MTMR7: variants seen among roughly 807,000 people sequenced by gnomAD.
MTMR7 encodes phosphatidylinositol-3-phosphate phosphatase MTMR7.
A neutral mutation model predicts 81.2 loss-of-function variants in MTMR7; 76 were observed. The ratio of observed to expected loss-of-function variants is 0.94; its 90% CI spans 0.78 to 1.13. The LOEUF is 1.13. MTMR7 is among the 50% of genes most tolerant of loss of function. MTMR7 has a pLI of 0.00. For synonymous variants in MTMR7, 372 were observed against 289.8 expected (o/e 1.28, Z -2.88); for missense variants, 1,044 against 820.0 (o/e 1.27, Z -3.34).
chr8:17,309,473 C>T (rs964229784), intron 9 of MTMR7, 147 bp from the exon 10 acceptor site: 5 of 661,184 alleles, frequency 7.6e-6, no homozygotes, highest in South Asian at 5.0e-5. Flanking sequence ...CATTATCCAC[C>T]CATATAGAGA....
At chr8:17,393,684 A>G (rs186966020) in intron 1 of MTMR7, among the ~76,000 whole-genome samples, 2 of 152,202 alleles carry the variant, frequency 1.3e-5, no homozygotes, top group Admixed American at 6.5e-5. Flanking sequence ...AACAACACAC[A>G]CTGGGGCCTG....
chr8:17,387,921 A>G (rs1821000148), intron 1 of MTMR7, among the ~76,000 whole-genome samples: 1 of 152,204 alleles, frequency 6.6e-6, no homozygotes, highest in African/African-American at 2.4e-5. Context: ...CTACCTATAC[A>G]TTTGTTAAAA....
At chr8:17,334,820 ACT>A (rs1225022800) in intron 6 of MTMR7, among the ~76,000 whole-genome samples, 1 of 152,258 alleles carries the variant, frequency 6.6e-6, no homozygotes, top group East Asian at 1.9e-4. Flanking sequence ...ATCTAAGGAA[ACT>A]CTGTCGGCCT....
chr8:17,412,917 C>A (rs377174406), intron 1 of MTMR7, among the ~76,000 whole-genome samples: 9 of 152,158 alleles, frequency 5.9e-5, no homozygotes, highest in Non-Finnish European at 8.8e-5. Flanking sequence ...CTACTCTGAG[C>A]GGCCAACAGC....
At chr8:17,352,305 T>C (rs1401504882) in intron 4 of MTMR7, among the ~76,000 whole-genome samples, 1 of 152,194 alleles carries the variant, frequency 6.6e-6, no homozygotes, top group African/African-American at 2.4e-5. Flanking sequence ...TATGGTCATA[T>C]GATCCATAGC....
At chr8:17,389,976 T>G (rs987301832) in intron 1 of MTMR7, among the ~76,000 whole-genome samples, 4 of 151,804 alleles carry the variant, frequency 2.6e-5, no homozygotes, top group Admixed American at 2.6e-4. Context: ...GTGTTCTGAG[T>G]GCTGGGGGCA....
chr8:17,330,211 G>GCAAA (rs1340949150), intron 7 of MTMR7, among the ~76,000 whole-genome samples: 1 of 152,238 alleles, frequency 6.6e-6, no homozygotes, highest in Non-Finnish European at 1.5e-5. Context: ...GTAACTGAGA[G>GCAAA]CAAACGTGGA....
chr8:17,360,144 A>G (rs1424511364), intron 4 of MTMR7, among the ~76,000 whole-genome samples: 1 of 152,178 alleles, frequency 6.6e-6, no homozygotes, highest in African/African-American at 2.4e-5. Context: ...AAATGTCACA[A>G]TATGTATGTG....
intron 1 of MTMR7, among the ~76,000 whole-genome samples, chr8:17,400,821 C>A (rs1261654741): frequency 6.6e-6 from 1 of 152,096 alleles, no homozygotes; most frequent in Non-Finnish European, 1.5e-5. Context: ...GGCAGTATTT[C>A]TTTTTTAAGT....
At chr8:17,383,794 CG>C (rs60292617) in intron 1 of MTMR7, among the ~76,000 whole-genome samples, 8,657 of 151,976 alleles carry the variant, frequency 0.057, 342 homozygotes, top group African/African-American at 0.11. Context: ...TCCCGGTGGT[CG>C]AGGGATTCTC....
rs564262916 is a variant in MTMR7, at chr8:17,305,936, G to A, written c.1173C>T (p.Asp391=). ...CAATAACTGGAGAGATTTCTTTTGG[G>A]TCACCATCTAGATTGCCATATCTAT... ...FNHRYGNLDG[D]PKEISPVIDQ... is the part of the protein sequence containing the mutation. Residue 391 remains aspartate (D), a synonymous_variant, in exon 11 of 14, where the codon GAC becomes GAT. Coordinates refer to ENST00000180173, the MANE Select transcript of MTMR7 (RefSeq NM_004686.5). 4 of 1,613,154 alleles carry A rather than the reference G, an allele frequency of 2.5e-6. No homozygotes were observed. The African/African-American group carries it at 4.0e-5, about 16-fold the overall frequency.
At chr8:17,338,338 A>T (rs1042675249) in intron 6 of MTMR7, among the ~76,000 whole-genome samples, 2 of 152,208 alleles carry the variant, frequency 1.3e-5, no homozygotes, top group Non-Finnish European at 2.9e-5. Context: ...CGTTTCCTAG[A>T]AGGTTTACAC....
At chr8:17,336,021 T>C (rs1389444044) in intron 6 of MTMR7, among the ~76,000 whole-genome samples, 1 of 152,154 alleles carries the variant, frequency 6.6e-6, no homozygotes, top group African/African-American at 2.4e-5. Flanking sequence ...AAATTTCTCT[T>C]TGGAAAGCTC....
At chr8:17,395,041 A>C (rs931292754) in intron 1 of MTMR7, among the ~76,000 whole-genome samples, 1 of 152,180 alleles carries the variant, frequency 6.6e-6, no homozygotes, top group African/African-American at 2.4e-5. Context: ...TCAACCCCTG[A>C]AACAAAAACT....
intron 1 of MTMR7, among the ~76,000 whole-genome samples, chr8:17,393,771 G>C (rs1051265967): frequency 2.0e-5 from 3 of 152,142 alleles, no homozygotes; most frequent in African/African-American, 7.2e-5. Flanking sequence ...TAGATGACGA[G>C]ATGATCTGTA....
At chr8:17,316,433 C>T (rs1043966756) in intron 7 of MTMR7, among the ~76,000 whole-genome samples, 1 of 150,124 alleles carries the variant, frequency 6.7e-6, no homozygotes, top group African/African-American at 2.5e-5. Context: ...GACAGTTGTT[C>T]CCTCCTTTTC....
chr8:17,398,733 A>G (rs1821332438), intron 1 of MTMR7, among the ~76,000 whole-genome samples: 1 of 152,234 alleles, frequency 6.6e-6, no homozygotes, highest in Non-Finnish European at 1.5e-5. Flanking sequence ...AAAAGATTAA[A>G]TGAACCAATA....
In MTMR7 at chr8:17,300,091, T is replaced by C. The variant is rs1295477012; in HGVS notation, c.1754A>G (p.Asn585Ser). The C allele has an allele frequency of 4.3e-6, 7 of 1,614,074 alleles. No individual in the cohort carries two copies. Among genetic ancestry groups the C allele is most frequent in the Non-Finnish European group, 5.9e-6 (7 of 1,180,038 alleles). The change falls in exon 14 of 14, where the codon AAT becomes AGT. Residue 585 changes from asparagine (N) to serine (S), a missense_variant. Transcript: ENST00000180173. ...IANTPQDYSG[N>S]MKSFPSRSPS... is the part of the protein sequence containing the mutation. Reference sequence around the variant, plus strand: ...GCTCCGGGATGGAAATGATTTCATATTCCCACTGTAATCCTGGGGAGTGTT... The same window carrying C: ...GCTCCGGGATGGAAATGATTTCATACTCCCACTGTAATCCTGGGGAGTGTT...
At chr8:17,347,809 C>G (rs1819604797) in intron 5 of MTMR7, among the ~76,000 whole-genome samples, 1 of 150,732 alleles carries the variant, frequency 6.6e-6, no homozygotes, top group East Asian at 2.0e-4. Context: ...CCACACCTGC[C>G]CTGTGCAATT....
Sources: allele counts gnomAD v4.1 joint callset (sites outside exome capture counted in the v4.1 genomes callset), GRCh38; gene constraint gnomAD v4.1.1; transcripts MANE v1.5; gene names NCBI Gene and HGNC (gene_info 2026-07-23, HGNC 2026-07-21).